Variants in SLC22A24 observed in about 807,000 individuals in gnomAD.
The protein encoded by SLC22A24 is solute carrier family 22 member 24.
Under a neutral mutation model 49.8 loss-of-function variants are expected in SLC22A24, and 53 were observed. The ratio of observed to expected loss-of-function variants is 1.06; its 90% CI spans 0.85 to 1.34. The LOEUF is 1.34. SLC22A24 is among the 40% of genes most tolerant of loss of function. The probability of loss-of-function intolerance (pLI) is 0.00; values close to 1 mark genes in which losing one functional copy is unlikely to be tolerated. For missense variants in SLC22A24, 786 were observed against 675.9 expected (o/e 1.16, Z -1.81); for synonymous variants, 302 against 256.4 (o/e 1.18, Z -1.70).
At chr11:63,121,680 C>T (rs919821225) in intron 2 of SLC22A24, among the ~76,000 whole-genome samples, 1 of 151,564 alleles carries the variant, frequency 6.6e-6, no homozygotes, top group Non-Finnish European at 1.5e-5. Context: ...GGTACATGTG[C>T]ACAATGTGCA....
At chr11:63,092,589 G>A in intron 6 of SLC22A24, among the ~76,000 whole-genome samples, 1 of 129,364 alleles carries the variant, frequency 7.7e-6, no homozygotes, top group Non-Finnish European at 1.7e-5. Context: ...ACAAGCAATG[G>A]GGAAAAGATT....
At chr11:63,116,154 G>T (rs759082631) in intron 4 of SLC22A24, 30 of 419,820 alleles carry the variant, frequency 7.1e-5, no homozygotes, top group Non-Finnish European at 1.0e-4. Flanking sequence ...CATGGCCTTG[G>T]CATTGTTGAC....
chr11:63,106,861 T>A (rs543899921), intron 4 of SLC22A24, among the ~76,000 whole-genome samples: 1 of 152,198 alleles, frequency 6.6e-6, no homozygotes, highest in Admixed American at 6.5e-5. Context: ...TGCAAAAATT[T>A]TCTCCGATTT....
rs1289431570 is a variant in SLC22A24 at position 63,087,628 on chromosome 11, G to A, written c.1071-4171C>T. ...TGAGGCCATGGAGCCAGGTGGTCTC[G>A]CTCAGTGAGTCCCACTCCCATGGAG... is the stretch of plus-strand genomic sequence containing the variant. On this transcript the variant is annotated intron_variant, in intron 6 of 9. Coordinates refer to ENST00000612278, the MANE Select transcript of SLC22A24 (RefSeq NM_001136506.2). Among the ~76,000 whole-genome samples, 5 of 152,170 alleles carry A rather than the reference G, an allele frequency of 3.3e-5. No individual in the cohort carries two copies. The East Asian group carries it at 9.6e-4, about 29-fold the overall frequency.
At chr11:63,095,061 G>C (rs12807319) in intron 6 of SLC22A24, among the ~76,000 whole-genome samples, 12 of 151,962 alleles carry the variant, frequency 7.9e-5, no homozygotes, top group Middle Eastern at 3.4e-3. Flanking sequence ...TTGCCCATGC[G>C]TATGTCCTGA....
chr11:63,119,424 A>T (rs1401755362), intron 2 of SLC22A24, 89 bp from the exon 3 acceptor site: 10 of 1,257,634 alleles, frequency 8.0e-6, no homozygotes, highest in Non-Finnish European at 1.1e-5. Flanking sequence ...TGAAATTAGG[A>T]TAAATGTTTA....
chr11:63,106,418 C>A (rs2087122172), intron 4 of SLC22A24, among the ~76,000 whole-genome samples: 1 of 152,060 alleles, frequency 6.6e-6, no homozygotes, highest in African/African-American at 2.4e-5. Flanking sequence ...TTTATAGCAG[C>A]ATGATTTATA....
rs561048163 is a variant in SLC22A24 at position 63,088,041 on chromosome 11, A to G, written c.1071-4584T>C. Reference sequence around the variant, plus strand: ...CTGAAGAGCACAGCTGATCCTGACAAGAGTGATTCTCCCAATAGAGTGCAC... The same window carrying G: ...CTGAAGAGCACAGCTGATCCTGACAGGAGTGATTCTCCCAATAGAGTGCAC... On this transcript the variant is annotated intron_variant, in intron 6 of 9. Transcript: ENST00000612278. 4.6e-5 allele frequency among the ~76,000 whole-genome samples: 7 copies of G among 152,286 alleles called. No individual in the cohort carries two copies. In the East Asian group the frequency reaches 1.4e-3, roughly 29 times the overall value.
chr11:63,107,377 C>G (rs2087128640), intron 4 of SLC22A24, among the ~76,000 whole-genome samples: 1 of 152,118 alleles, frequency 6.6e-6, no homozygotes, highest in Non-Finnish European at 1.5e-5. Flanking sequence ...ATGCCTCCAG[C>G]TTTGTTCTTT....
chr11:63,112,099 C>T lies in SLC22A24; in HGVS notation c.830+6813G>A, dbSNP rs574365484. 1.5e-3 allele frequency among the ~76,000 whole-genome samples: 225 copies of T among 152,106 alleles called. 1 individual carries two copies. Among genetic ancestry groups the T allele is most frequent in the African/African-American group, 4.4e-3 (181 of 41,472 alleles). On this transcript the variant is annotated intron_variant, in intron 4 of 9. Coordinates refer to ENST00000612278, the MANE Select transcript of SLC22A24 (RefSeq NM_001136506.2). ...AACATCTTTATTTCTGCCTTCATTT[C>T]GTTATGTACCCAGTAGTCATTCAGG...
intron 4 of SLC22A24, among the ~76,000 whole-genome samples, chr11:63,111,258 T>G (rs2087161838): frequency 6.6e-6 from 1 of 151,810 alleles, no homozygotes; most frequent in Non-Finnish European, 1.5e-5. Flanking sequence ...TGCCAGTATT[T>G]TATTGAGGAT....
At chr11:63,098,751 C>A (rs2087071041) in intron 5 of SLC22A24, among the ~76,000 whole-genome samples, 1 of 151,774 alleles carries the variant, frequency 6.6e-6, no homozygotes, top group East Asian at 1.9e-4. Flanking sequence ...CAAGGGCAAA[C>A]CAAACCCCCA....
At position 63,096,168 on chromosome 11, in the gene SLC22A24, G is replaced by C. The variant is rs1010088555; in HGVS notation, c.955-62C>G. 7 of 1,070,394 alleles carry C rather than the reference G, an allele frequency of 6.5e-6. No homozygotes were observed. In the Admixed American group the frequency reaches 1.0e-4, roughly 15 times the overall value. 66.3% of individuals were successfully genotyped at this position (1,070,394 alleles called of 1,614,324 possible). A position where few individuals can be genotyped will look rare whatever the true frequency, so the allele number is the denominator to read the frequency against. On this transcript the variant is annotated intron_variant, in intron 5 of 9. Coordinates refer to ENST00000612278, the MANE Select transcript of SLC22A24 (RefSeq NM_001136506.2). ...TGTCAATAATGTGTCAGGCATAGTG[G>C]TAAGTACTAGAGAACAAGATAGACA...
chr11:63,100,386 A>T (rs919716061), intron 5 of SLC22A24, among the ~76,000 whole-genome samples: 1 of 152,144 alleles, frequency 6.6e-6, no homozygotes, highest in Non-Finnish European at 1.5e-5. Flanking sequence ...CTACAATGAA[A>T]ACTATAAAGC....
intron 4 of SLC22A24, among the ~76,000 whole-genome samples, chr11:63,113,219 T>TATATATAC (rs1565332381): frequency 3.9e-4 from 2 of 5,152 alleles, no homozygotes; most frequent in African/African-American, 5.2e-4. Context: ...TATACACATA[T>TATATATAC]ATATATATAC....
intron 6 of SLC22A24, among the ~76,000 whole-genome samples, chr11:63,084,167 G>C (rs932724612): frequency 1.3e-5 from 2 of 152,190 alleles, no homozygotes; most frequent in African/African-American, 4.8e-5. Context: ...TAGTGAGGCT[G>C]CAAGGGCACT....
At chr11:63,124,742 G>A (rs2087276218) in intron 2 of SLC22A24, among the ~76,000 whole-genome samples, 1 of 152,078 alleles carries the variant, frequency 6.6e-6, no homozygotes, top group Non-Finnish European at 1.5e-5. Context: ...TTAAAATGTG[G>A]CACATATACA....
intron 4 of SLC22A24, among the ~76,000 whole-genome samples, chr11:63,117,875 T>A (rs1243102019): frequency 1.3e-5 from 2 of 152,154 alleles, no homozygotes; most frequent in Non-Finnish European, 2.9e-5. Context: ...GTGCATGGGG[T>A]GTTGGCGCCC....
At position 63,096,150 on chromosome 11, in the gene SLC22A24, A is replaced by T. The variant is rs1010575046; in HGVS notation, c.955-44T>A. On this transcript the variant is annotated intron_variant, in intron 5 of 9. Coordinates refer to ENST00000612278, the MANE Select transcript of SLC22A24 (RefSeq NM_001136506.2). ...CAACAAGCATTTGTGAGATGTCAAT[A>T]ATGTGTCAGGCATAGTGGTAAGTAC... 7 of 1,266,210 alleles carry T rather than the reference A, an allele frequency of 5.5e-6. No homozygotes were observed. The African/African-American group carries it at 1.0e-4, about 19-fold the overall frequency. The allele number at this position is 1,266,210 out of a possible 1,614,324, so 78.4% of individuals were successfully genotyped here. A position where few individuals can be genotyped will look rare whatever the true frequency, so the allele number is the denominator to read the frequency against.
Sources: allele counts gnomAD v4.1 joint callset (sites outside exome capture counted in the v4.1 genomes callset), GRCh38; gene constraint gnomAD v4.1.1; transcripts MANE v1.5; gene names NCBI Gene and HGNC (gene_info 2026-07-23, HGNC 2026-07-21).